The following SEC61B variants were observed in gnomAD, a reference collection of about 807,000 sequenced individuals.
SEC61B encodes protein transport protein Sec61 subunit beta.
A neutral mutation model predicts 12.6 loss-of-function variants in SEC61B; 7 were observed. The observed-to-expected ratio is 0.55, with a 90% CI of 0.32 to 1.04. The LOEUF is 1.04. Among genes scored for constraint, SEC61B ranks in the 50% least tolerant of loss-of-function variants. The pLI, the probability that SEC61B is intolerant of heterozygous loss-of-function variation, is 0.05. For synonymous variants in SEC61B, 54 were observed against 50.1 expected (o/e 1.08, Z -0.33); for missense variants, 107 against 130.1 (o/e 0.82, Z 0.86).
rs374971344 is a variant in SEC61B, at chr9:99,228,718, A to G, written c.203+718A>G. On this transcript the variant is annotated intron_variant, in intron 3 of 3. Coordinates refer to ENST00000223641, the MANE Select transcript of SEC61B (RefSeq NM_006808.3). ...ATGAGGATTCGAAATAATAACAGCA[A>G]CTCTGATTTACATAGCACTTTGTAC... 2.5e-3 allele frequency among the ~76,000 whole-genome samples: 387 copies of G among 152,138 alleles called. 1 individual carries two copies. Among genetic ancestry groups the G allele is most frequent in the African/African-American group, 8.9e-3 (369 of 41,496 alleles).
intron 2 of SEC61B, 24 bp downstream of exon 2, chr9:99,222,667 G>C (rs1174852522): frequency 2.1e-6 from 3 of 1,461,986 alleles, no homozygotes; most frequent in South Asian, 2.6e-5. Context: ...CAGTTCGTTC[G>C]CTTCCAGACT....
At chr9:99,227,027 G>A (rs372332976) in intron 2 of SEC61B, among the ~76,000 whole-genome samples, 185 of 152,054 alleles carry the variant, frequency 1.2e-3, no homozygotes, top group African/African-American at 4.2e-3. Context: ...CAGCACTTTG[G>A]GAGGCCAAAG....
chr9:99,224,916 C>G (rs905186259), intron 2 of SEC61B, among the ~76,000 whole-genome samples: 4 of 152,140 alleles, frequency 2.6e-5, no homozygotes, highest in African/African-American at 9.7e-5. Context: ...TAGATACTAC[C>G]TTGGAGGAGA....
chr9:99,226,553 G>A (rs1828898059), intron 2 of SEC61B, among the ~76,000 whole-genome samples: 1 of 152,162 alleles, frequency 6.6e-6, no homozygotes, highest in Admixed American at 6.5e-5. Flanking sequence ...CAATGAGATA[G>A]GCTTCCCCTC....
intron 1 of SEC61B, 67 bp downstream of exon 1, chr9:99,222,433 C>T (rs1588621392): frequency 1.2e-6 from 2 of 1,611,938 alleles, no homozygotes; most frequent in East Asian, 4.5e-5. Context: ...TTGCGCCGTG[C>T]TTTTCCTCTG....
intron 3 of SEC61B, 139 bp from the exon 4 acceptor site, chr9:99,230,198 A>G (rs760333104): frequency 3.9e-6 from 2 of 517,870 alleles, no homozygotes; most frequent in Non-Finnish European, 6.8e-6. Context: ...ATATTTTAAA[A>G]TGATACAAAT....
chr9:99,222,319 C>T lies in SEC61B; in HGVS notation c.-45C>T, dbSNP rs752961707. 6.8e-6 allele frequency: 11 copies of T among 1,614,014 alleles called. No homozygotes were observed. The highest frequency in any genetic ancestry group is 1.6e-4 in the Middle Eastern group (1 of 6,080). On this transcript the variant is annotated 5_prime_UTR_variant, in exon 1 of 4. Transcript: ENST00000223641. ...TGCCGGTCTTTCGGGGGCTCCGTAA[C>T]TTTCTATCCGTCCGCGTCAGCGCCT...
intron 2 of SEC61B, among the ~76,000 whole-genome samples, chr9:99,227,302 A>G (rs1828910137): frequency 6.7e-6 from 1 of 150,096 alleles, no homozygotes; most frequent in Non-Finnish European, 1.5e-5. Context: ...CAAACTAGTG[A>G]CAACACATAA....
chr9:99,229,105 C>T (rs1324724587), intron 3 of SEC61B, among the ~76,000 whole-genome samples: 1 of 151,090 alleles, frequency 6.6e-6, no homozygotes, highest in Admixed American at 6.6e-5. Flanking sequence ...TTAATTTGAC[C>T]AGCACCTTGA....
At chr9:99,223,310 T>G (rs74546996) in intron 2 of SEC61B, 2,637 of 149,542 alleles carry the variant, frequency 0.018, 32 homozygotes, top group Non-Finnish European at 0.027. Context: ...TACTTGTTGC[T>G]GAACTAAAAA....
rs1262473932 is a variant in SEC61B at position 99,230,401 on chromosome 9, T to G, written c.268T>G (p.Trp90Gly). The G allele has an allele frequency of 6.2e-7, 1 of 1,610,100 alleles. No individual in the cohort carries two copies. Among genetic ancestry groups the G allele is most frequent in the African/African-American group, 1.3e-5 (1 of 74,796 alleles). ...CGCTTCTGTATTTATGTTGCACATTTGGGGCAAGTACACTCGTTCGTAGAT... is the reference window on the plus strand; with the variant it reads ...CGCTTCTGTATTTATGTTGCACATTGGGGGCAAGTACACTCGTTCGTAGAT... ...FIASVFMLHI[W>G]GKYTRS Residue 90 changes from tryptophan (W) to glycine (G), a missense_variant, in exon 4 of 4, where the codon TGG becomes GGG. Transcript: ENST00000223641.
intron 2 of SEC61B, 200 bp downstream of exon 2, chr9:99,222,843 C>T (rs1243578188): frequency 4.1e-6 from 2 of 487,596 alleles, no homozygotes; most frequent in Non-Finnish European, 3.6e-6. Flanking sequence ...GGGCACTACT[C>T]TTAAAAAAGG....
intron 3 of SEC61B, 112 bp downstream of exon 3, chr9:99,228,112 A>C: frequency 1.3e-6 from 1 of 769,120 alleles, no homozygotes; most frequent in East Asian, 2.7e-5. Flanking sequence ...TACTGTACAC[A>C]ACAGCCTCAT....
intron 2 of SEC61B, among the ~76,000 whole-genome samples, chr9:99,225,640 C>T (rs1042473875): frequency 6.6e-6 from 1 of 152,130 alleles, no homozygotes; most frequent in South Asian, 2.1e-4. Context: ...TTGAGAGATT[C>T]AATGTGTTTT....
Position 99,230,447 on chromosome 9 carries a change from T to A in SEC61B, c.*23T>A. 1 of 1,501,412 alleles carries A rather than the reference T, an allele frequency of 6.7e-7. No individual in the cohort carries two copies. The highest frequency in any genetic ancestry group is 9.2e-7 in the Non-Finnish European group (1 of 1,085,356). The allele number at this position is 1,501,412 out of a possible 1,614,324, so 93.0% of individuals were successfully genotyped here. On this transcript the variant is annotated 3_prime_UTR_variant, in exon 4 of 4. Transcript: ENST00000223641. ...TAGATTCAGTTACATCCATCTGTCA[T>A]CTGAAGAAGGAGGAAAAAACCCAAC...
At chr9:99,228,367 AT>A (rs891430071) in intron 3 of SEC61B, among the ~76,000 whole-genome samples, 4 of 152,162 alleles carry the variant, frequency 2.6e-5, no homozygotes, top group Non-Finnish European at 5.9e-5. Flanking sequence ...GAATTGGGTG[AT>A]TTTTCAAAGT....
chr9:99,229,389 A>G (rs1474512888), intron 3 of SEC61B, among the ~76,000 whole-genome samples: 1 of 152,076 alleles, frequency 6.6e-6, no homozygotes, highest in African/African-American at 2.4e-5. Flanking sequence ...CAATGGCATG[A>G]TCATAGCTCA....
intron 3 of SEC61B, 48 bp downstream of exon 3, chr9:99,228,048 C>T: frequency 3.7e-6 from 5 of 1,365,866 alleles, no homozygotes; most frequent in Non-Finnish European, 5.2e-6. Context: ...GGCAGCAGAG[C>T]AGCAGTGGCA....
chr9:99,228,825 G>A (rs565805207), intron 3 of SEC61B, among the ~76,000 whole-genome samples: 1 of 152,334 alleles, frequency 6.6e-6, no homozygotes, highest in African/African-American at 2.4e-5. Flanking sequence ...CCATTTTGTA[G>A]ATGAGGACCT....
Sources: allele counts gnomAD v4.1 joint callset (sites outside exome capture counted in the v4.1 genomes callset), GRCh38; gene constraint gnomAD v4.1.1; transcripts MANE v1.5; gene names NCBI Gene and HGNC (gene_info 2026-07-23, HGNC 2026-07-21).